Variants in LRRC56 observed in about 807,000 individuals in gnomAD.
LRRC56 encodes leucine rich repeat containing 56.
LRRC56 carries 41 observed loss-of-function variants against 47.8 expected under a neutral mutation model. That is an observed-to-expected ratio of 0.86 (90% CI 0.67 to 1.11). The LOEUF (loss-of-function observed/expected upper bound fraction) is 1.11, where lower values mean the gene tolerates loss of function less well. Ranked by LOEUF, LRRC56 falls within the 50% of genes most tolerant of loss-of-function variation. LRRC56 has a pLI of 0.00. For synonymous variants in LRRC56, 387 were observed against 311.2 expected, an observed-to-expected ratio of 1.24 and a Z score of -2.56; for missense variants, 759 against 704.2, an observed-to-expected ratio of 1.08 and a Z score of -0.88.
At chr11:545,406 G>T (rs1017992280) in intron 6 of LRRC56, among the ~76,000 whole-genome samples, 4 of 152,328 alleles carry the variant, frequency 2.6e-5, no homozygotes, top group African/African-American at 9.6e-5. Flanking sequence ...TGGGGTTTGG[G>T]CAAGAACGGC....
chr11:528,639 C>T, the LRRC56 span: 164 of 152,326 alleles, frequency 1.1e-3, 1 homozygote, highest in Middle Eastern at 3.4e-3. Flanking sequence ...GTGGTGCCTC[C>T]GCGGGTGCTC....
chr11:514,580 CTAT>C, the LRRC56 span, among the ~76,000 whole-genome samples: 3 of 151,276 alleles, frequency 2.0e-5, no homozygotes, highest in Non-Finnish European at 2.9e-5. Flanking sequence ...TGTGCCCAGC[CTAT>C]TATTATTATT....
Position 554,168 on chromosome 11 carries a change from C to T in LRRC56, c.1521C>T (p.Arg507=), listed in dbSNP as rs1410068558. The T allele has an allele frequency of 6.3e-7, 1 of 1,583,870 alleles. No homozygotes were observed. The highest frequency in any genetic ancestry group is 1.3e-5 in the African/African-American group (1 of 74,556). Residue 507 remains arginine, a synonymous_variant, in exon 14 of 14, where the codon CGC becomes CGT. Coordinates refer to ENST00000270115, the MANE Select transcript of LRRC56 (RefSeq NM_198075.4). ...TGAGAGCCCTGGAGGTGGCCTCACG[C>T]CTGAGCCCTCGAGCCCAGGGATGTC... ...PVLRALEVAS[R]LSPRAQGCPG...
At chr11:511,770 G>C in the LRRC56 span, among the ~76,000 whole-genome samples, 2 of 152,192 alleles carry the variant, frequency 1.3e-5, no homozygotes, top group African/African-American at 4.8e-5. Context: ...CGGAGATGCT[G>C]TGAGAATTAG....
At chr11:533,665 C>T (rs1851261263), upstream of LRRC56, 1 of 1,612,654 alleles carries the variant, frequency 6.2e-7, no homozygotes, top group African/African-American at 1.3e-5. Flanking sequence ...GCAGCGGCAT[C>T]CAGGACATGC....
the LRRC56 span, among the ~76,000 whole-genome samples, chr11:524,577 G>A: frequency 1.3e-5 from 2 of 152,078 alleles, no homozygotes; most frequent in African/African-American, 4.8e-5. Flanking sequence ...GTTGTAGTAA[G>A]CCGAGATTGC....
At chr11:537,435 C>T (rs1160744568), upstream of LRRC56, 1 of 152,220 alleles carries the variant, frequency 6.6e-6, no homozygotes, top group Non-Finnish European at 1.5e-5. Flanking sequence ...GAGCCCCCGG[C>T]GACTTATAAA....
chr11:538,406 T>C (rs1851627509), intron 1 of LRRC56, among the ~76,000 whole-genome samples, 192 bp from the exon 2 acceptor site: 6 of 152,156 alleles, frequency 3.9e-5, no homozygotes, highest in Admixed American at 3.9e-4. Flanking sequence ...CTGTGAGGCC[T>C]GGGGCCTTGC....
chr11:551,993 C>A (rs781059754), intron 11 of LRRC56, 26 bp downstream of exon 11: 32 of 1,611,920 alleles, frequency 2.0e-5, no homozygotes, highest in South Asian at 3.3e-5. Context: ...ACCAGCCCCC[C>A]ACGAGAACCA....
Position 554,014 on chromosome 11 carries a change from CA to C in LRRC56, c.1369del (p.Arg457GlyfsTer43). 5.0e-6 allele frequency: 8 copies of C among 1,612,310 alleles called. No individual in the cohort carries two copies. The highest frequency in any genetic ancestry group is 6.8e-6 in the Non-Finnish European group (8 of 1,179,778). ...QHLVPSPPKH[P>X]RPRDSGSSSP... ...CTGGTCCCTTCACCTCCCAAGCACC[CA>C]AGGCCACGAGATTCTGGCAGCAGCT... On this transcript the variant is annotated frameshift_variant, in exon 14 of 14. Coordinates refer to ENST00000270115, the MANE Select transcript of LRRC56 (RefSeq NM_198075.4). LOFTEE classifies it low-confidence loss of function (END_TRUNC).
the LRRC56 span, among the ~76,000 whole-genome samples, chr11:518,846 G>C: frequency 6.6e-6 from 1 of 152,020 alleles, no homozygotes; most frequent in African/African-American, 2.4e-5. Context: ...CGCCCCGAAC[G>C]CGCGAGCGAG....
At position 552,568 on chromosome 11, in the gene LRRC56, G is replaced by GC; in HGVS notation, c.1186dup (p.Leu396ProfsTer4). On this transcript the variant is annotated frameshift_variant and splice_region_variant. Coordinates refer to ENST00000270115, the MANE Select transcript of LRRC56 (RefSeq NM_198075.4). LOFTEE classifies it high-confidence loss of function. ...AGCTTCTCCTCCTCTCCCCACCCTA[G>GC]CCCCCTCCCCTATAGGCACCCGGAG... is the stretch of plus-strand genomic sequence containing the variant. 1 of 1,595,462 alleles carries GC rather than the reference G, an allele frequency of 6.3e-7. No homozygotes were observed. Among genetic ancestry groups the GC allele is most frequent in the Non-Finnish European group, 8.5e-7 (1 of 1,169,872 alleles).
upstream of LRRC56, chr11:535,527 G>T (rs985664217): frequency 9.5e-5 from 14 of 147,982 alleles, no homozygotes; most frequent in Non-Finnish European, 1.8e-4. Context: ...CGGCGGGTGC[G>T]GCTCGGGTTG....
chr11:552,038 C>T, intron 11 of LRRC56, 52 bp from the exon 12 acceptor site: 2 of 1,605,454 alleles, frequency 1.2e-6, no homozygotes, highest in South Asian at 2.2e-5. Flanking sequence ...GTGCCCTGCC[C>T]TGCCGCCATT....
upstream of LRRC56, chr11:534,537 C>T (rs973701938): frequency 1.7e-6 from 1 of 596,094 alleles, no homozygotes; most frequent in Middle Eastern, 4.4e-4. Context: ...TGCAACCCAG[C>T]GTGCGGGAGG....
the LRRC56 span, among the ~76,000 whole-genome samples, chr11:510,997 C>T: frequency 1.3e-5 from 2 of 152,100 alleles, no homozygotes; most frequent in Non-Finnish European, 2.9e-5. Flanking sequence ...AAGTGTCGCA[C>T]GCAGTGGATT....
upstream of LRRC56, chr11:532,760 G>A (rs370181298): frequency 5.6e-6 from 9 of 1,612,184 alleles, no homozygotes; most frequent in African/African-American, 2.7e-5. Context: ...CACTCCCTGG[G>A]AAAGGAGGGA....
At chr11:549,415 G>A (rs952176431) in intron 6 of LRRC56, among the ~76,000 whole-genome samples, 8 of 152,142 alleles carry the variant, frequency 5.3e-5, no homozygotes, top group South Asian at 2.1e-4. Context: ...ACATCAAGCC[G>A]CCCTGACCCA....
the LRRC56 span, among the ~76,000 whole-genome samples, chr11:513,981 G>A: frequency 6.6e-6 from 1 of 151,852 alleles, no homozygotes; most frequent in South Asian, 2.1e-4. Context: ...CAGTATCTTA[G>A]TTTTTTGTTT....
Sources: gnomAD v4.1 joint callset for allele counts (sites outside exome capture counted in the v4.1 genomes callset) on GRCh38, gnomAD v4.1.1 for gene constraint, MANE v1.5 for transcripts, NCBI Gene and HGNC (gene_info 2026-07-23, HGNC 2026-07-21) for gene names.